SULT4A1: variants seen among roughly 807,000 people sequenced by gnomAD.
SULT4A1 encodes sulfotransferase family 4A member 1, also known as sulfotransferase 4A1.
SULT4A1 carries 11 observed loss-of-function variants against 35.2 expected under a neutral mutation model. The observed-to-expected ratio is 0.31, with a 90% CI of 0.20 to 0.52. The LOEUF is 0.52. Ranked by LOEUF, SULT4A1 falls within the 20% of genes least tolerant of loss-of-function variation. SULT4A1 has a pLI of 0.97. For missense variants in SULT4A1, 271 were observed against 383.7 expected, an observed-to-expected ratio of 0.71 and a Z score of 2.45; for synonymous variants, 152 against 151.8, an observed-to-expected ratio of 1.00 and a Z score of -0.01.
intron 4 of SULT4A1, among the ~76,000 whole-genome samples, chr22:43,833,962 C>T (rs987533207): frequency 2.0e-5 from 3 of 152,220 alleles, no homozygotes. Context: ...GGGGTGACAG[C>T]CTCTGAGAAG....
At chr22:43,842,967 T>C (rs1264604464) in intron 1 of SULT4A1, among the ~76,000 whole-genome samples, 1 of 99,670 alleles carries the variant, frequency 1.0e-5, no homozygotes. Flanking sequence ...CAGGTCTCAG[T>C]AAACAGCATC....
chr22:43,826,071 T>C lies in SULT4A1; in HGVS notation c.785A>G (p.Asn262Ser), dbSNP rs769443791. 5 of 1,614,102 alleles carry C rather than the reference T, an allele frequency of 3.1e-6. No individual in the cohort carries two copies. The South Asian group carries it at 3.3e-5, about 11-fold the overall frequency. ...LWKDIFTVSM[N>S]EKFDLVYKQK... Reference sequence around the variant, plus strand: ...TTTATACACCAAGTCAAACTTCTCATTCATGGAGACGGTGAAGATGTCCTT... The same window carrying C: ...TTTATACACCAAGTCAAACTTCTCACTCATGGAGACGGTGAAGATGTCCTT... Residue 262 changes from asparagine to serine, a missense_variant, in exon 7 of 7, where the codon AAT becomes AGT. By Grantham distance (46) the Asn-to-Ser change is conservative (BLOSUM62 1). Around this residue, in one of 3 missense-constraint regions of SULT4A1, gnomAD observed 32 missense variants for 61.9 expected, o/e 0.52. Transcript: ENST00000330884.
chr22:43,846,248 G>A (rs1393921626), intron 1 of SULT4A1, among the ~76,000 whole-genome samples: 3 of 152,186 alleles, frequency 2.0e-5, no homozygotes, highest in African/African-American at 4.8e-5. Context: ...CTCAGATGCC[G>A]CTCAGTCAGC....
At position 43,862,455 on chromosome 22, in the gene SULT4A1, C is replaced by CCCGCACACGCT; in HGVS notation, c.-74_-73insAGCGTGTGCGG. ...CACGCGCCCGCGCCCGCGCCCGCGC[C>CCCGCACACGCT]CGCGCCCCGCACACGCTCGCGCCCC... On this transcript the variant is annotated 5_prime_UTR_variant, in exon 1 of 7. Transcript: ENST00000330884. 1.0e-6 allele frequency: 1 copy of CCCGCACACGCT among 975,144 alleles called. No homozygotes were observed. Among genetic ancestry groups the CCCGCACACGCT allele is most frequent in the Non-Finnish European group, 1.2e-6 (1 of 825,088 alleles). The allele number at this position is 975,144 out of a possible 1,614,324, so 60.4% of individuals were successfully genotyped here.
rs529388032 is a variant in SULT4A1, at chr22:43,859,202, C to G, written c.169+3012G>C. Among the ~76,000 whole-genome samples the G allele has an allele frequency of 2.0e-5, 3 of 152,322 alleles. No individual in the cohort carries two copies. In the South Asian group the frequency reaches 6.2e-4, roughly 32 times the overall value. On this transcript the variant is annotated intron_variant, in intron 1 of 6. Transcript: ENST00000330884. Reference sequence around the variant, plus strand: ...ACCATGAGTCTCCCCTCAGCTTCAGCTCCCCTCAGCTTCAACCCCTGAGTT... The same window carrying G: ...ACCATGAGTCTCCCCTCAGCTTCAGGTCCCCTCAGCTTCAACCCCTGAGTT...
intron 5 of SULT4A1, among the ~76,000 whole-genome samples, chr22:43,830,230 C>T (rs1429544606): frequency 6.6e-6 from 1 of 152,202 alleles, no homozygotes; most frequent in Non-Finnish European, 1.5e-5. Flanking sequence ...TGCCCTGCCA[C>T]CAAGAACTCC....
chr22:43,850,703 C>A (rs908207393), intron 1 of SULT4A1, among the ~76,000 whole-genome samples: 1 of 152,200 alleles, frequency 6.6e-6, no homozygotes, highest in African/African-American at 2.4e-5. Context: ...TCCACGTCCC[C>A]TGACTGCAGG....
At chr22:43,827,042 G>A in intron 6 of SULT4A1, 1 of 985,446 alleles carries the variant, frequency 1.0e-6, no homozygotes, top group African/African-American at 1.7e-5. Flanking sequence ...TAAAATCTTA[G>A]GTTGGTCTAG....
rs201863032 is a variant in SULT4A1 at position 43,826,156 on chromosome 22, G to A, written c.743-43C>T. On this transcript the variant is annotated intron_variant, in intron 6 of 6. Transcript: ENST00000330884. ...GAACTGCTGGGGCCACTTGCTGTCC[G>A]GCCAGCTACTGAACTAAAGGAAGCC... 1.1e-4 allele frequency: 170 copies of A among 1,609,926 alleles called. No homozygotes were observed. In the East Asian group the frequency reaches 3.1e-3, roughly 29 times the overall value.
chr22:43,853,780 G>T (rs1009784025), intron 1 of SULT4A1, among the ~76,000 whole-genome samples: 2 of 152,342 alleles, frequency 1.3e-5, no homozygotes. Context: ...GCTGCCAAGA[G>T]GCTACCAAGA....
rs753956613 is a variant in SULT4A1, at chr22:43,862,431, A to ACGCGCGCC, written c.-50_-49insGGCGCGCG. ...CGCCGCCTCCCGGCTCGCAGCCCGCACGCGCCCGCGCCCGCGCCCGCGCCC... is the reference window on the plus strand; with the variant it reads ...CGCCGCCTCCCGGCTCGCAGCCCGCACGCGCGCCCGCGCCCGCGCCCGCGCCCGCGCCC... On this transcript the variant is annotated 5_prime_UTR_variant, in exon 1 of 7. Coordinates refer to ENST00000330884, the MANE Select transcript of SULT4A1 (RefSeq NM_014351.4). The ACGCGCGCC allele has an allele frequency of 1.0e-5, 10 of 963,718 alleles. No homozygotes were observed. Among genetic ancestry groups the ACGCGCGCC allele is most frequent in the African/African-American group, 5.5e-5 (3 of 54,476 alleles). 59.7% of individuals were successfully genotyped at this position (963,718 alleles called of 1,614,324 possible). A position where few individuals can be genotyped will look rare whatever the true frequency, so the allele number is the denominator to read the frequency against.
chr22:43,855,388 A>G (rs2049391092), intron 1 of SULT4A1, among the ~76,000 whole-genome samples: 1 of 152,224 alleles, frequency 6.6e-6, no homozygotes, highest in South Asian at 2.1e-4. Flanking sequence ...TGAGCAGGAC[A>G]AATGCCAACC....
chr22:43,830,809 C>G (rs749734782), intron 5 of SULT4A1, among the ~76,000 whole-genome samples: 17 of 152,202 alleles, frequency 1.1e-4, no homozygotes, highest in Non-Finnish European at 2.1e-4. Flanking sequence ...TGGCAGGAAG[C>G]ATTCCCTCTC....
chr22:43,828,939 A>C (rs2063306659), intron 6 of SULT4A1, 121 bp downstream of exon 6: 1 of 1,134,590 alleles, frequency 8.8e-7, no homozygotes, highest in Non-Finnish European at 1.2e-6. Context: ...CCAGCTACAG[A>C]CTGCTGTAAA....
At position 43,845,770 on chromosome 22, in the gene SULT4A1, G is replaced by A. The variant is rs569012104; in HGVS notation, c.170-3838C>T. On this transcript the variant is annotated intron_variant, in intron 1 of 6. Coordinates refer to ENST00000330884, the MANE Select transcript of SULT4A1 (RefSeq NM_014351.4). ...CCTCCTGTCAGATCAGCGGGAACAC[G>A]AGATTCTCATAGGAGCACAAACTCT... Among the ~76,000 whole-genome samples the A allele has an allele frequency of 3.3e-5, 5 of 152,142 alleles. No homozygotes were observed. In the East Asian group the frequency reaches 7.7e-4, roughly 24 times the overall value.
intron 1 of SULT4A1, among the ~76,000 whole-genome samples, chr22:43,844,194 A>G (rs1209726109): frequency 6.6e-6 from 1 of 152,162 alleles, no homozygotes; most frequent in East Asian, 1.9e-4. Flanking sequence ...CACATGTAAG[A>G]TATAATTCAA....
chr22:43,827,510 C>T (rs2063295881), intron 6 of SULT4A1: 1 of 1,338,602 alleles, frequency 7.5e-7, no homozygotes, highest in Non-Finnish European at 9.9e-7. Context: ...GAGGAGTCAC[C>T]CACCTGGTTT....
chr22:43,852,351 T>G (rs8141643), intron 1 of SULT4A1, among the ~76,000 whole-genome samples: 14,828 of 151,260 alleles, frequency 0.098, 814 homozygotes, highest in Admixed American at 0.12. Flanking sequence ...TTTTGTTGTT[T>G]TTTTTTTGTA....
At chr22:43,858,921 C>T (rs1421151184) in intron 1 of SULT4A1, among the ~76,000 whole-genome samples, 1 of 152,144 alleles carries the variant, frequency 6.6e-6, no homozygotes, top group African/African-American at 2.4e-5. Flanking sequence ...CCCAACCTGT[C>T]TCCTCCTCCA....
Sources: allele counts gnomAD v4.1 joint callset (sites outside exome capture counted in the v4.1 genomes callset), GRCh38; gene constraint gnomAD v4.1.1; regional missense constraint gnomAD v4.1.1; transcripts MANE v1.5; gene names NCBI Gene and HGNC (gene_info 2026-07-23, HGNC 2026-07-21).